Variants in ERBIN observed in about 807,000 individuals in gnomAD.
ERBIN encodes densin-180-like protein.
A neutral mutation model predicts 158.4 loss-of-function variants in ERBIN; 60 were observed. That is an observed-to-expected ratio of 0.38 (90% CI 0.31 to 0.47). ERBIN has a LOEUF of 0.47. ERBIN is among the 20% of genes least tolerant of loss of function. The pLI, the probability that ERBIN is intolerant of heterozygous loss-of-function variation, is 0.99. For synonymous variants in ERBIN, 594 were observed against 557.2 expected (o/e 1.07, Z -0.93); for missense variants, 1,610 against 1,648.0 (o/e 0.98, Z 0.40).
At chr5:66,076,974 TTTCA>T in intron 25 of ERBIN, 25 bp downstream of exon 25, 1 of 1,487,246 alleles carries the variant, frequency 6.7e-7, no homozygotes, top group African/African-American at 1.4e-5. Context: ...TCTTTTTTTT[TTTCA>T]TTTTATAACA....
In ERBIN at chr5:66,053,451, T is replaced by C. The variant is rs1759250141; in HGVS notation, c.2133T>C (p.Ile711=). The C allele has an allele frequency of 1.9e-6, 3 of 1,560,020 alleles. No homozygotes were observed. The Admixed American group carries it at 6.4e-5, about 33-fold the overall frequency. The part of the protein sequence containing the change: ...NFNSLLQNGD[I]LNSSTEEKFK... ...ACAGCCTTTTACAAAATGGAGATAT[T>C]TTAAACAGTTCAACAGAGGAAAAGT... Residue 711 remains isoleucine, a synonymous_variant, in exon 21 of 26, where the codon ATT becomes ATC. Coordinates refer to ENST00000284037, the MANE Select transcript of ERBIN (RefSeq NM_001253697.2).
Position 66,043,148 on chromosome 5 carries a change from G to A in ERBIN, c.1378G>A (p.Val460Ile), listed in dbSNP as rs1758084133. Reference sequence around the variant, plus strand: ...GGAACAGAGGAAACAGCGGGCTCAAGTTGCATTTGAATGTGATGAAGACAA... The same window carrying A: ...GGAACAGAGGAAACAGCGGGCTCAAATTGCATTTGAATGTGATGAAGACAA... The part of the protein sequence containing the change: ...WEEQRKQRAQ[V>I]AFECDEDKDE... The change falls in exon 16 of 26, where the codon GTT (valine) becomes ATT (isoleucine). Residue 460 changes from valine to isoleucine, a missense_variant. Transcript: ENST00000284037. The A allele has an allele frequency of 6.2e-7, 1 of 1,613,352 alleles. No individual in the cohort carries two copies. Among genetic ancestry groups the A allele is most frequent in the African/African-American group, 1.3e-5 (1 of 75,022 alleles).
At chr5:65,965,406 T>C (rs78566241) in intron 1 of ERBIN, among the ~76,000 whole-genome samples, 4 of 17,462 alleles carry the variant, frequency 2.3e-4, no homozygotes, top group Admixed American at 1.2e-3. Flanking sequence ...TTTTTTTTTT[T>C]TTTTTTTTTT....
chr5:66,074,443 T>C (rs1761805822), intron 22 of ERBIN, among the ~76,000 whole-genome samples: 1 of 152,174 alleles, frequency 6.6e-6, no homozygotes, highest in South Asian at 2.1e-4. Flanking sequence ...GTTGCTAACA[T>C]ACACACAAGG....
chr5:66,012,227 C>G lies in ERBIN; in HGVS notation c.386+100C>G, dbSNP rs706678. ...ATTTTAACAAAAATTTTATATCAAT[C>G]TTAAGTCTATACAAAATTTCAATTT... On this transcript the variant is annotated intron_variant, in intron 5 of 25. Coordinates refer to ENST00000284037, the MANE Select transcript of ERBIN (RefSeq NM_001253697.2). 0.55 allele frequency: 395,215 copies of G among 712,856 alleles called. 114,183 individuals are homozygous for G. The highest frequency in any genetic ancestry group is 0.61 in the Non-Finnish European group (271,791 of 442,576). The allele number at this position is 712,856 out of a possible 1,614,324, so 44.2% of individuals were successfully genotyped here.
intron 4 of ERBIN, among the ~76,000 whole-genome samples, chr5:66,006,561 A>G (rs2151089027): frequency 6.6e-6 from 1 of 152,288 alleles, no homozygotes; most frequent in East Asian, 1.9e-4. Flanking sequence ...ATTAAACTAA[A>G]GAGCTTCTGC....
intron 1 of ERBIN, among the ~76,000 whole-genome samples, chr5:65,982,316 T>C (rs148806354): frequency 6.6e-6 from 1 of 152,292 alleles, no homozygotes; most frequent in Non-Finnish European, 1.5e-5. Flanking sequence ...AGCAAATCTT[T>C]TCTGGGGAGG....
At chr5:66,015,432 G>C (rs1000770407) in intron 7 of ERBIN, among the ~76,000 whole-genome samples, 4 of 152,082 alleles carry the variant, frequency 2.6e-5, no homozygotes. Context: ...TGTACATATT[G>C]TCTGTGGCTA....
In ERBIN at chr5:66,044,254, A is replaced by C; in HGVS notation, c.1546A>C (p.Arg516=). Residue 516 remains arginine, a synonymous_variant, in exon 17 of 26, where the codon AGA becomes CGA. Coordinates refer to ENST00000284037, the MANE Select transcript of ERBIN (RefSeq NM_001253697.2). ...TGAAGAGACCAATGAAGACTCAGGAAGAGATTTGAAACCACATGAAGATCA... is the reference window on the plus strand; with the variant it reads ...TGAAGAGACCAATGAAGACTCAGGACGAGATTTGAAACCACATGAAGATCA... The part of the protein sequence containing the change: ...KDEETNEDSG[R]DLKPHEDQQD... 8 of 1,611,466 alleles carry C rather than the reference A, an allele frequency of 5.0e-6. No individual in the cohort carries two copies. The highest frequency in any genetic ancestry group is 6.8e-6 in the Non-Finnish European group (8 of 1,178,984).
At chr5:65,988,983 CAAAAA>C (rs34731955) in intron 2 of ERBIN, among the ~76,000 whole-genome samples, 2 of 62,880 alleles carry the variant, frequency 3.2e-5, no homozygotes, top group Non-Finnish European at 3.0e-5. Context: ...ACCCTGTTTC[CAAAAA>C]AAAAAAAAAA....
chr5:66,000,933 AAG>A (rs774086849), intron 4 of ERBIN, among the ~76,000 whole-genome samples: 7 of 152,068 alleles, frequency 4.6e-5, no homozygotes, highest in Non-Finnish European at 4.4e-5. Context: ...ATTTTACCTT[AAG>A]AGAGCTGAGA....
At chr5:66,045,293 G>T (rs76592571) in intron 17 of ERBIN, among the ~76,000 whole-genome samples, 8,769 of 152,072 alleles carry the variant, frequency 0.058, 888 homozygotes, top group African/African-American at 0.2. Flanking sequence ...CTTTCCTATA[G>T]TCAGATATGT....
At chr5:65,973,923 C>CTATTAGAATTAG (rs1233786888) in intron 1 of ERBIN, among the ~76,000 whole-genome samples, 1 of 151,262 alleles carries the variant, frequency 6.6e-6, no homozygotes, top group Non-Finnish European at 1.5e-5. Flanking sequence ...AGTTTAGAAT[C>CTATTAGAATTAG]TATTGTGCTA....
At chr5:66,046,607 A>G (rs1429110082) in intron 18 of ERBIN, 69 bp downstream of exon 18, 2 of 1,269,034 alleles carry the variant, frequency 1.6e-6, no homozygotes, top group African/African-American at 1.5e-5. Context: ...GTTGCTAAAT[A>G]AAGACCTGAT....
intron 21 of ERBIN, among the ~76,000 whole-genome samples, chr5:66,065,553 T>G (rs1006937091): frequency 6.6e-6 from 1 of 151,326 alleles, no homozygotes; most frequent in Non-Finnish European, 1.5e-5. Flanking sequence ...AAACTGTACA[T>G]TCCGAGTGAT....
chr5:66,048,775 A>C lies in ERBIN; in HGVS notation c.1897A>C (p.Lys633Gln), dbSNP rs774739126. 2.5e-5 allele frequency: 40 copies of C among 1,576,938 alleles called. No individual in the cohort carries two copies. Among genetic ancestry groups the C allele is most frequent in the Non-Finnish European group, 3.0e-5 (35 of 1,161,154 alleles). ...AAAAGTCGTAGCACTTAGTAATAAC[A>C]AAAAAGGTTAGATGTTAAAGGAAAG... Reference protein sequence around the residue: ...QPKVVALSNNKKDDTKETDSL... With the variant: ...QPKVVALSNNQKDDTKETDSL... Residue 633 changes from lysine to glutamine, a missense_variant, in exon 19 of 26, where the codon AAA becomes CAA. Lys to Gln is a moderately conservative substitution (Grantham distance 53). This residue lies in a region of ERBIN where 1,014 missense variants were observed against 936.1 expected (regional missense o/e 1.08). Transcript: ENST00000284037.
chr5:65,989,225 C>A (rs1048346226), intron 2 of ERBIN, among the ~76,000 whole-genome samples: 14 of 152,268 alleles, frequency 9.2e-5, no homozygotes, highest in African/African-American at 2.2e-4. Flanking sequence ...AAAGGAGAAT[C>A]AGTCTTTGGA....
chr5:66,029,547 T>TTTCTG (rs576569457), intron 14 of ERBIN, among the ~76,000 whole-genome samples: 228 of 151,474 alleles, frequency 1.5e-3, no homozygotes, highest in Admixed American at 2.6e-3. Flanking sequence ...TGGGTACCCT[T>TTTCTG]TTCTGTTCTG....
At chr5:65,972,109 A>G (rs1749315975) in intron 1 of ERBIN, among the ~76,000 whole-genome samples, 1 of 151,902 alleles carries the variant, frequency 6.6e-6, no homozygotes, top group Non-Finnish European at 1.5e-5. Context: ...GGCTATTCCA[A>G]GGGGGTCTGC....
Sources: gnomAD v4.1 joint callset for allele counts (sites outside exome capture counted in the v4.1 genomes callset) on GRCh38, gnomAD v4.1.1 for gene constraint, gnomAD v4.1.1 regional missense constraint, MANE v1.5 for transcripts, NCBI Gene and HGNC (gene_info 2026-07-23, HGNC 2026-07-21) for gene names.